The following ASB9 variants were observed in gnomAD, a reference collection of about 807,000 sequenced individuals.
ASB9 encodes ankyrin repeat and SOCS box containing 9, also known as ankyrin repeat and SOCS box protein 9.
In ASB9, 5 loss-of-function variants were observed where a neutral mutation model predicts 16.6. The observed-to-expected ratio is 0.30, with a 90% confidence interval of 0.16 to 0.63. The LOEUF (loss-of-function observed/expected upper bound fraction) is 0.63. Among genes scored for constraint, ASB9 ranks in the 30% least tolerant of loss-of-function variants. The probability of loss-of-function intolerance (pLI) is 0.82; values close to 1 mark genes in which losing one functional copy is unlikely to be tolerated. For missense variants in ASB9, 216 were observed against 229.4 expected, an observed-to-expected ratio of 0.94 and a Z score of 0.38; for synonymous variants, 100 against 86.4, an observed-to-expected ratio of 1.16 and a Z score of -0.87.
chrX:15,263,574 T>C (rs1926145033), intron 1 of ASB9, among the ~76,000 whole-genome samples: 1 of 81,085 alleles, frequency 1.2e-5, no homozygotes, highest in Non-Finnish European at 2.3e-5. Context: ...TTCTCTTTCC[T>C]GTCTCCCTCT....
rs1239667174 is a variant in ASB9, at chrX:15,269,517, C to T, written c.94+264G>A. On this transcript the variant is annotated intron_variant, in intron 1 of 6. Transcript: ENST00000380488. ...TTTAATAAATAATGCATTTGACCCA[C>T]AAAGAATGATTCCTGGGAGCTGAAA... 1.2e-4 allele frequency among the ~76,000 whole-genome samples: 13 copies of T among 112,308 alleles called. No homozygotes were observed. In the Admixed American group the frequency reaches 1.2e-3, roughly 11 times the overall value.
chrX:15,256,775 C>CA (rs1248547700), intron 2 of ASB9, among the ~76,000 whole-genome samples: 4,635 of 35,707 alleles, frequency 0.13, 284 homozygotes, highest in Non-Finnish European at 0.19. Flanking sequence ...GACTCCGTCT[C>CA]AAAAAAAAAA....
intron 1 of ASB9, among the ~76,000 whole-genome samples, chrX:15,268,382 G>T (rs1926715039): frequency 9.3e-6 from 1 of 107,001 alleles, no homozygotes. Flanking sequence ...CCTGTTTATT[G>T]CCCCTTTGAT....
At chrX:15,252,958 G>T (rs1385263460) in intron 3 of ASB9, among the ~76,000 whole-genome samples, 1 of 112,665 alleles carries the variant, frequency 8.9e-6, no homozygotes, top group African/African-American at 3.2e-5. Flanking sequence ...ATTTGGCCAG[G>T]CGCAGTGGCT....
chrX:15,256,703 AG>A (rs1925581439), intron 2 of ASB9, among the ~76,000 whole-genome samples: 1 of 91,220 alleles, frequency 1.1e-5, no homozygotes, highest in African/African-American at 4.3e-5. Context: ...CGTGAACCCC[AG>A]GGGGCGGAGC....
chrX:15,267,416 A>AAAG, intron 1 of ASB9, among the ~76,000 whole-genome samples: 1 of 69,559 alleles, frequency 1.4e-5, no homozygotes, highest in South Asian at 9.0e-4. Context: ...TCTAAAAAAA[A>AAAG]AATATATATA....
In ASB9 at chrX:15,270,035, G is replaced by A; in HGVS notation, c.-161C>T. 2.6e-6 allele frequency: 1 copy of A among 386,342 alleles called. No homozygotes were observed. The highest frequency in any genetic ancestry group is 4.8e-5 in the South Asian group (1 of 20,682). The allele number at this position is 386,342 out of a possible 1,213,427, so 31.8% of individuals were successfully genotyped here. A position where few individuals can be genotyped will look rare whatever the true frequency, so the allele number is the denominator to read the frequency against. ...CTGCAGCAAAGCACAGAGCAGGCAG[G>A]GTAATCTGAGTGCTACCTGTGATCA... On this transcript the variant is annotated 5_prime_UTR_variant, in exon 1 of 7. Coordinates refer to ENST00000380488, the MANE Select transcript of ASB9 (RefSeq NM_001031739.3).
In ASB9 at chrX:15,250,465, T is replaced by C. The variant is rs746850142; in HGVS notation, c.533A>G (p.Gln178Arg). The C allele has an allele frequency of 1.4e-4, 175 of 1,209,851 alleles. No individual in the cohort carries two copies. Among genetic ancestry groups the C allele is most frequent in the Middle Eastern group, 2.3e-4 (1 of 4,376 alleles). The change falls in exon 5 of 7, where the codon CAA (glutamine) becomes CGA (arginine). Residue 178 changes from glutamine (Q) to arginine (R), a missense_variant. Physicochemically the swap from Gln to Arg is conservative, Grantham distance 43. Transcript: ENST00000380488. ...AAGCTTCTTGACACAGGCTCTCTGT[T>C]GGTTTTCACAAGCCAAATAGAGTGG... ...GTPLYLACENQQRACVKKLLE... is the reference protein window; with the variant it reads ...GTPLYLACENRQRACVKKLLE...
intron 2 of ASB9, among the ~76,000 whole-genome samples, chrX:15,258,079 A>G (rs889712346): frequency 1.8e-5 from 2 of 112,131 alleles, no homozygotes; most frequent in African/African-American, 3.2e-5. Context: ...TGGTTACTGT[A>G]TCATGTCACT....
chrX:15,264,325 A>C (rs1294483653), intron 1 of ASB9, among the ~76,000 whole-genome samples: 3 of 111,608 alleles, frequency 2.7e-5, no homozygotes, highest in Non-Finnish European at 5.6e-5. Flanking sequence ...CCTCACCTGA[A>C]CTAATCTTAA....
At chrX:15,269,556 A>G (rs1239312574) in intron 1 of ASB9, among the ~76,000 whole-genome samples, 1 of 112,404 alleles carries the variant, frequency 8.9e-6, no homozygotes, top group Admixed American at 9.5e-5. Context: ...TCACTGGAGA[A>G]TAATTTGTGA....
At position 15,250,548 on chromosome X, in the gene ASB9, G is replaced by A. The variant is rs1346948781; in HGVS notation, c.450C>T (p.Val150=). The change falls in exon 5 of 7, where the codon GTC becomes GTT. Residue 150 remains valine, a synonymous_variant. Coordinates refer to ENST00000380488, the MANE Select transcript of ASB9 (RefSeq NM_001031739.3). ...TGCCCCCATAAGCTATAAGAGAGTT[G>A]ACACACTCCACGTGGCCTGCAGCCC... ...EAARRGHVEC[V]NSLIAYGGNI... 9 of 1,205,374 alleles carry A rather than the reference G, an allele frequency of 7.5e-6. No individual in the cohort carries two copies. The East Asian group carries it at 2.7e-4, about 36-fold the overall frequency.
intron 1 of ASB9, 62 bp downstream of exon 1, chrX:15,269,719 C>T: frequency 9.8e-7 from 1 of 1,023,854 alleles, no homozygotes; most frequent in Admixed American, 2.7e-5. Flanking sequence ...CTGCCCAACC[C>T]TCCTCTCCTA....
intron 2 of ASB9, among the ~76,000 whole-genome samples, chrX:15,257,924 G>T (rs1363300058): frequency 9.0e-6 from 1 of 111,412 alleles, no homozygotes; most frequent in East Asian, 2.8e-4. Context: ...GTTTTGCCAA[G>T]AAAAAATAAT....
At chrX:15,268,024 T>C (rs1217518775) in intron 1 of ASB9, among the ~76,000 whole-genome samples, 1 of 111,185 alleles carries the variant, frequency 9.0e-6, no homozygotes, top group African/African-American at 3.3e-5. Flanking sequence ...GGTACCTGTA[T>C]AGTAGATTAA....
At chrX:15,259,120 G>A (rs987086140) in intron 1 of ASB9, 175 bp from the exon 2 acceptor site, 19 of 356,333 alleles carry the variant, frequency 5.3e-5, no homozygotes, top group African/African-American at 4.6e-4. Flanking sequence ...TATTTTTTGT[G>A]CACAGTTTGT....
At chrX:15,267,417 A>AGAAT (rs1555934601) in intron 1 of ASB9, among the ~76,000 whole-genome samples, 2 of 77,974 alleles carry the variant, frequency 2.6e-5, no homozygotes, top group Admixed American at 1.6e-4. Flanking sequence ...CTAAAAAAAA[A>AGAAT]ATATATATAT....
rs200964314 is a variant in ASB9, at chrX:15,265,722, G to A, written c.94+4059C>T. On this transcript the variant is annotated intron_variant, in intron 1 of 6. Coordinates refer to ENST00000380488, the MANE Select transcript of ASB9 (RefSeq NM_001031739.3). ...ATGATCTCAGCTCACTGCAACCTCCGCCCTCCCAAGTTCAAGCAATTCTCC... is the reference window on the plus strand; with the variant it reads ...ATGATCTCAGCTCACTGCAACCTCCACCCTCCCAAGTTCAAGCAATTCTCC... 5.5e-5 allele frequency among the ~76,000 whole-genome samples: 6 copies of A among 109,815 alleles called. No individual in the cohort carries two copies. The East Asian group carries it at 8.5e-4, about 16-fold the overall frequency.
chrX:15,255,896 T>C (rs1925492841), intron 2 of ASB9, among the ~76,000 whole-genome samples: 1 of 111,976 alleles, frequency 8.9e-6, no homozygotes, highest in African/African-American at 3.2e-5. Flanking sequence ...CATAAGTATT[T>C]AGTAACACAC....
Sources: gnomAD v4.1 joint callset for allele counts (sites outside exome capture counted in the v4.1 genomes callset) on GRCh38, gnomAD v4.1.1 for gene constraint, MANE v1.5 for transcripts, NCBI Gene and HGNC (gene_info 2026-07-23, HGNC 2026-07-21) for gene names.